IQGAP1: variants seen among roughly 807,000 people sequenced by gnomAD.
The protein encoded by IQGAP1 is ras GTPase-activating-like protein IQGAP1.
Under a neutral mutation model 215.6 loss-of-function variants are expected in IQGAP1, and 66 were observed. The observed-to-expected ratio is 0.31, with a 90% CI of 0.25 to 0.38. The LOEUF (loss-of-function observed/expected upper bound fraction) is 0.38, where lower values mean the gene tolerates loss of function less well. IQGAP1 is among the 10% of genes least tolerant of loss of function. The pLI is 1.00. For missense variants in IQGAP1, 1,712 were observed against 1,997.1 expected (o/e 0.86, Z 2.72); for synonymous variants, 772 against 728.7 (o/e 1.06, Z -0.96).
At chr15:90,443,195 A>G (rs1168535548) in intron 8 of IQGAP1, among the ~76,000 whole-genome samples, 199 bp from the exon 9 acceptor site, 1 of 152,210 alleles carries the variant, frequency 6.6e-6, no homozygotes, top group East Asian at 1.9e-4. Context: ...TCTTGGCTTC[A>G]AGCCATCTTC....
At position 90,438,190 on chromosome 15, in the gene IQGAP1, ATTTC is replaced by A. The variant is rs1382317210; in HGVS notation, c.468-1139_468-1136del. The stretch of plus-strand genomic sequence containing the variant: ...AGTTTCTATGATTTATTTCTTATAT[ATTTC>A]TTATTTCCCTGCTTACTTTAAACTG... On this transcript the variant is annotated intron_variant, in intron 5 of 37. Transcript: ENST00000268182. Among the ~76,000 whole-genome samples the A allele has an allele frequency of 3.9e-5, 6 of 152,238 alleles. No homozygotes were observed. In the East Asian group the frequency reaches 1.2e-3, roughly 29 times the overall value.
chr15:90,488,188 T>C (rs1255804810), intron 33 of IQGAP1, among the ~76,000 whole-genome samples: 2 of 151,832 alleles, frequency 1.3e-5, no homozygotes, highest in Non-Finnish European at 2.9e-5. Context: ...ACCACTGCAC[T>C]CCAGCCTGGG....
Position 90,486,061 on chromosome 15 carries a change from C to T in IQGAP1, c.3953C>T (p.Pro1318Leu), listed in dbSNP as rs758847813. Residue 1318 changes from proline to leucine, a missense_variant, in exon 31 of 38, where the codon CCG (proline) becomes CTG (leucine). By Grantham distance (98) the Pro-to-Leu change is moderately conservative (BLOSUM62 -3). Coordinates refer to ENST00000268182, the MANE Select transcript of IQGAP1 (RefSeq NM_003870.4). The stretch of plus-strand genomic sequence containing the variant: ...TTGGATCACCAGGATGCCATTGCTC[C>T]GGAGCACAATGATCCAATCCACGAA... ...LLLDHQDAIA[P>L]EHNDPIHELL... 25 of 1,613,748 alleles carry T rather than the reference C, an allele frequency of 1.5e-5. No individual in the cohort carries two copies. The highest frequency in any genetic ancestry group is 8.9e-5 in the East Asian group (4 of 44,876).
At chr15:90,425,140 T>A (rs1432671799) in intron 2 of IQGAP1, among the ~76,000 whole-genome samples, 1 of 152,010 alleles carries the variant, frequency 6.6e-6, no homozygotes, top group Non-Finnish European at 1.5e-5. Context: ...CGAAGCCCCG[T>A]CTCTACTAAA....
At chr15:90,431,344 C>G (rs1355010889) in intron 4 of IQGAP1, 1 of 151,984 alleles carries the variant, frequency 6.6e-6, no homozygotes, top group African/African-American at 2.4e-5. Context: ...CTGTAATTTC[C>G]TTTCCCTGTT....
intron 2 of IQGAP1, among the ~76,000 whole-genome samples, chr15:90,392,776 G>A (rs138696249): frequency 0.024 from 2,403 of 99,010 alleles, 57 homozygotes; most frequent in East Asian, 0.14. Context: ...GTACAGTCTC[G>A]CTCTGTTGCC....
intron 26 of IQGAP1, among the ~76,000 whole-genome samples, chr15:90,481,460 G>A (rs1447253700): frequency 6.6e-6 from 1 of 151,866 alleles, no homozygotes; most frequent in Non-Finnish European, 1.5e-5. Context: ...GTCTGTCATG[G>A]CCTGCTCCCT....
intron 5 of IQGAP1, among the ~76,000 whole-genome samples, chr15:90,438,872 A>G (rs1180415006): frequency 1.3e-5 from 2 of 151,884 alleles, no homozygotes; most frequent in Admixed American, 1.3e-4. Context: ...TTACAGGCAC[A>G]TGCCACCACG....
At chr15:90,477,251 G>A (rs1341477026) in intron 25 of IQGAP1, 21 bp downstream of exon 25, 6 of 1,608,844 alleles carry the variant, frequency 3.7e-6, no homozygotes, top group Non-Finnish European at 5.1e-6. Context: ...ATTTCCTCAG[G>A]GCACAGGCCC....
intron 2 of IQGAP1, among the ~76,000 whole-genome samples, chr15:90,392,806 G>A (rs562318651): frequency 2.8e-4 from 41 of 143,864 alleles, no homozygotes; most frequent in African/African-American, 9.0e-4. Context: ...GGGCAGTGGC[G>A]CAATCTTGGC....
At chr15:90,472,780 T>G in intron 18 of IQGAP1, 60 bp from the exon 19 acceptor site, 1 of 1,508,620 alleles carries the variant, frequency 6.6e-7, no homozygotes, top group East Asian at 2.3e-5. Context: ...TGATACTTCG[T>G]GAAAACCTGC....
Position 90,477,902 on chromosome 15 carries a change from T to C in IQGAP1, c.3329+13T>C, listed in dbSNP as rs969744286. ...CAGGAGAGGCAAGGTATGTTAACCATAATGACACTTTTCTTTCATGTTGTT... is the reference window on the plus strand; with the variant it reads ...CAGGAGAGGCAAGGTATGTTAACCACAATGACACTTTTCTTTCATGTTGTT... On this transcript the variant is annotated intron_variant, in intron 26 of 37. Transcript: ENST00000268182. 23 of 1,502,424 alleles carry C rather than the reference T, an allele frequency of 1.5e-5. No individual in the cohort carries two copies. Among genetic ancestry groups the C allele is most frequent in the Non-Finnish European group, 2.1e-5 (23 of 1,078,294 alleles). The allele number at this position is 1,502,424 out of a possible 1,614,324, so 93.1% of individuals were successfully genotyped here. A position where few individuals can be genotyped will look rare whatever the true frequency, so the allele number is the denominator to read the frequency against.
At chr15:90,488,888 C>A (rs1596293088) in intron 33 of IQGAP1, among the ~76,000 whole-genome samples, 3 of 151,998 alleles carry the variant, frequency 2.0e-5, no homozygotes, top group Admixed American at 2.0e-4. Flanking sequence ...AAACATGAGA[C>A]CAAATTATTT....
chr15:90,470,037 A>G, intron 18 of IQGAP1, among the ~76,000 whole-genome samples: 1 of 152,176 alleles, frequency 6.6e-6, no homozygotes, highest in African/African-American at 2.4e-5. Flanking sequence ...TGAGAATCTT[A>G]TTAACCTCCA....
intron 15 of IQGAP1, among the ~76,000 whole-genome samples, chr15:90,462,167 C>CA (rs200987507): frequency 6.2e-4 from 93 of 149,788 alleles, no homozygotes; most frequent in South Asian, 5.9e-3. Context: ...GACTCTGTCT[C>CA]AAAAAAAAAG....
intron 7 of IQGAP1, among the ~76,000 whole-genome samples, chr15:90,441,042 G>C (rs1850889739): frequency 6.6e-6 from 1 of 151,854 alleles, no homozygotes; most frequent in African/African-American, 2.4e-5. Flanking sequence ...AAGAGGCAGA[G>C]GTTGCAGTGA....
intron 2 of IQGAP1, among the ~76,000 whole-genome samples, chr15:90,422,096 A>G (rs992008962): frequency 3.3e-5 from 5 of 152,110 alleles, no homozygotes; most frequent in Non-Finnish European, 5.9e-5. Flanking sequence ...CCTTCTTGGT[A>G]TTTCTGCGAT....
At chr15:90,391,311 A>C (rs1964633223) in intron 2 of IQGAP1, 1 of 158,120 alleles carries the variant, frequency 6.3e-6, no homozygotes, top group Non-Finnish European at 1.4e-5. Flanking sequence ...TGAGGGAATA[A>C]GTATAGGTAG....
chr15:90,483,679 C>CGGCTGGGCGCGGTGGCTCACGCCTGTA, intron 29 of IQGAP1, 86 bp downstream of exon 29: 2 of 946,886 alleles, frequency 2.1e-6, no homozygotes, highest in Non-Finnish European at 3.2e-6. Context: ...AACCACCTCT[C>CGGCTGGGCGCGGTGGCTCACGCCTGTA]ACTTTCCCCG....
Sources: gnomAD v4.1 joint callset for allele counts (sites outside exome capture counted in the v4.1 genomes callset) on GRCh38, gnomAD v4.1.1 for gene constraint, MANE v1.5 for transcripts, NCBI Gene and HGNC (gene_info 2026-07-23, HGNC 2026-07-21) for gene names.